PDE7B: variants seen among roughly 807,000 people sequenced by gnomAD.
PDE7B encodes the protein phosphodiesterase 7B.
PDE7B carries 29 observed loss-of-function variants against 56.2 expected under a neutral mutation model. The observed-to-expected ratio is 0.52, with a 90% CI of 0.38 to 0.70. The LOEUF (loss-of-function observed/expected upper bound fraction) is 0.70. PDE7B is among the 30% of genes least tolerant of loss of function. The pLI, the probability that PDE7B is intolerant of heterozygous loss-of-function variation, is 0.00. For synonymous variants in PDE7B, 197 were observed against 196.9 expected (o/e 1.00, Z 0.00); for missense variants, 490 against 565.0 (o/e 0.87, Z 1.35).
At chr6:136,151,798 G>GC (rs1370799855) in intron 6 of PDE7B, among the ~76,000 whole-genome samples, 1 of 51,090 alleles carries the variant, frequency 2.0e-5, no homozygotes, top group African/African-American at 9.7e-5. Flanking sequence ...AATTAGCCAG[G>GC]CTTGTTGGCA....
At chr6:136,112,937 T>A (rs1189751732) in intron 3 of PDE7B, among the ~76,000 whole-genome samples, 1 of 152,170 alleles carries the variant, frequency 6.6e-6, no homozygotes, top group Non-Finnish European at 1.5e-5. Context: ...GGAGTATTTA[T>A]TAATAGTGCC....
At chr6:136,004,389 A>G (rs1775736868) in intron 2 of PDE7B, among the ~76,000 whole-genome samples, 1 of 151,942 alleles carries the variant, frequency 6.6e-6, no homozygotes. Flanking sequence ...AGGGTATTCA[A>G]TTAGGAAAAG....
chr6:135,905,426 G>A (rs538574085), intron 1 of PDE7B, among the ~76,000 whole-genome samples: 1 of 151,860 alleles, frequency 6.6e-6, no homozygotes, highest in Admixed American at 6.6e-5. Context: ...GGAGGGAAGT[G>A]ACAAAAGAGA....
intron 2 of PDE7B, among the ~76,000 whole-genome samples, chr6:136,026,026 A>G (rs929404613): frequency 6.6e-5 from 10 of 152,306 alleles, no homozygotes; most frequent in African/African-American, 2.4e-4. Flanking sequence ...AGCTCCATTC[A>G]CCAATGTCAC....
At chr6:135,951,330 A>G (rs1036513788) in intron 2 of PDE7B, among the ~76,000 whole-genome samples, 1 of 152,106 alleles carries the variant, frequency 6.6e-6, no homozygotes, top group Admixed American at 6.6e-5. Flanking sequence ...TACCTTCTTC[A>G]GGTCTCATGA....
At chr6:135,868,592 C>T (rs993494473) in intron 1 of PDE7B, among the ~76,000 whole-genome samples, 7 of 152,152 alleles carry the variant, frequency 4.6e-5, no homozygotes, top group Non-Finnish European at 8.8e-5. Context: ...TCACCATGCA[C>T]AGGTAATTTT....
chr6:136,168,322 T>C (rs577680287), intron 8 of PDE7B, among the ~76,000 whole-genome samples: 16 of 152,262 alleles, frequency 1.1e-4, no homozygotes, highest in African/African-American at 3.6e-4. Flanking sequence ...AGCTAAGGAA[T>C]TTGACTTAAT....
At chr6:135,922,412 G>A (rs907013944) in intron 1 of PDE7B, among the ~76,000 whole-genome samples, 2 of 152,146 alleles carry the variant, frequency 1.3e-5, no homozygotes, top group Non-Finnish European at 1.5e-5. Flanking sequence ...AATTCCCAAG[G>A]GGGTGAGTCA....
At chr6:136,052,969 C>T (rs915454802) in intron 2 of PDE7B, among the ~76,000 whole-genome samples, 1 of 152,124 alleles carries the variant, frequency 6.6e-6, no homozygotes, top group Non-Finnish European at 1.5e-5. Flanking sequence ...TGGGTCCTAT[C>T]CCATTGGCTC....
intron 3 of PDE7B, chr6:136,111,090 A>G (rs1003582791): frequency 2.6e-5 from 4 of 151,962 alleles, no homozygotes; most frequent in African/African-American, 7.2e-5. Context: ...TCTTTCACCC[A>G]TGTCTCTTAC....
At chr6:136,051,129 G>A (rs965353112) in intron 2 of PDE7B, among the ~76,000 whole-genome samples, 2 of 151,934 alleles carry the variant, frequency 1.3e-5, no homozygotes, top group Admixed American at 1.3e-4. Context: ...CAGTGAGTGA[G>A]GGGAGTGGGG....
chr6:136,113,349 C>A (rs192469705), intron 3 of PDE7B, among the ~76,000 whole-genome samples: 1 of 152,104 alleles, frequency 6.6e-6, no homozygotes, highest in Non-Finnish European at 1.5e-5. Context: ...AAATCATTTT[C>A]ATAAGAGATT....
chr6:136,137,801 T>G (rs1370510274), intron 3 of PDE7B, among the ~76,000 whole-genome samples: 1 of 152,110 alleles, frequency 6.6e-6, no homozygotes, highest in Admixed American at 6.6e-5. Context: ...CTTGTAAAAT[T>G]TAACAATTAC....
chr6:136,020,882 A>C (rs1776059219), intron 2 of PDE7B, among the ~76,000 whole-genome samples: 1 of 152,222 alleles, frequency 6.6e-6, no homozygotes, highest in African/African-American at 2.4e-5. Context: ...GCATTATAAC[A>C]ATAGTATTGT....
At chr6:136,168,437 T>C (rs983761249) in intron 8 of PDE7B, among the ~76,000 whole-genome samples, 1 of 151,376 alleles carries the variant, frequency 6.6e-6, no homozygotes, top group Non-Finnish European at 1.5e-5. Flanking sequence ...AGAGATTTTG[T>C]CTTATTTATC....
At chr6:136,030,561 C>A (rs1776231418) in intron 2 of PDE7B, among the ~76,000 whole-genome samples, 1 of 152,232 alleles carries the variant, frequency 6.6e-6, no homozygotes, top group African/African-American at 2.4e-5. Context: ...ACCATGAATG[C>A]CTGCTTCCTT....
At chr6:135,978,144 G>A (rs1159108970) in intron 2 of PDE7B, among the ~76,000 whole-genome samples, 3 of 152,124 alleles carry the variant, frequency 2.0e-5, no homozygotes, top group East Asian at 1.9e-4. Context: ...AGCCTACTAC[G>A]CACCCAGGCT....
chr6:136,169,896 T>C (rs185905057), intron 8 of PDE7B, among the ~76,000 whole-genome samples: 3 of 152,236 alleles, frequency 2.0e-5, no homozygotes, highest in African/African-American at 7.2e-5. Flanking sequence ...GGTCAAGTGG[T>C]AAATAAAGAA....
At chr6:136,095,689 A>G (rs1237337358) in intron 2 of PDE7B, 2 of 152,222 alleles carry the variant, frequency 1.3e-5, no homozygotes, top group Non-Finnish European at 2.9e-5. Flanking sequence ...CACATTAGTT[A>G]AGGGCACAGG....
Sources: gnomAD v4.1 joint callset for allele counts (sites outside exome capture counted in the v4.1 genomes callset) on GRCh38, gnomAD v4.1.1 for gene constraint, MANE v1.5 for transcripts, NCBI Gene and HGNC (gene_info 2026-07-23, HGNC 2026-07-21) for gene names.